The following ENO4 variants were observed in gnomAD, a reference collection of about 807,000 sequenced individuals.
ENO4 encodes the protein 2-phospho-D-glycerate hydro-lyase.
Under a neutral mutation model 63.2 loss-of-function variants are expected in ENO4, and 53 were observed. The observed-to-expected ratio is 0.84, with a 90% CI of 0.67 to 1.05. The LOEUF (loss-of-function observed/expected upper bound fraction) is 1.05, where lower values mean the gene tolerates loss of function less well. ENO4 is among the 50% of genes least tolerant of loss of function. The pLI is 0.00. For synonymous variants in ENO4, 266 were observed against 283.8 expected, an observed-to-expected ratio of 0.94 and a Z score of 0.63; for missense variants, 719 against 772.0, an observed-to-expected ratio of 0.93 and a Z score of 0.81.
At chr10:116,903,422 G>C (rs1002909516) in intron 10 of ENO4, among the ~76,000 whole-genome samples, 4 of 152,138 alleles carry the variant, frequency 2.6e-5, no homozygotes, top group Admixed American at 6.5e-5. Context: ...CTACATGGGA[G>C]GCTGAGGCAA....
chr10:116,911,820 T>G (rs1349621322), downstream of ENO4: 3 of 1,612,808 alleles, frequency 1.9e-6, no homozygotes, highest in African/African-American at 4.0e-5. Context: ...CCACTGCACT[T>G]TCGCAGCCTT....
Position 116,868,704 on chromosome 10 carries a change from CAAGT to C in ENO4, c.1047+3_1047+6del, listed in dbSNP as rs1846609829. 2 of 1,549,780 alleles carry C rather than the reference CAAGT, an allele frequency of 1.3e-6. No homozygotes were observed. The highest frequency in any genetic ancestry group is 1.7e-6 in the Non-Finnish European group (2 of 1,146,276). On this transcript the variant is annotated splice_donor_variant and coding_sequence_variant, in exon 8 of 14. Coordinates refer to ENST00000341276, the MANE Select transcript of ENO4 (RefSeq NM_001242699.2). LOFTEE classifies it high-confidence loss of function. ...AGGGCACGATGGAAGCAAAAGAGGT[CAAGT>C]AAGTCTATATATTGTTTACCATCCT...
At chr10:116,855,062 A>T (rs1328398295) in intron 1 of ENO4, among the ~76,000 whole-genome samples, 1 of 152,016 alleles carries the variant, frequency 6.6e-6, no homozygotes, top group East Asian at 1.9e-4. Flanking sequence ...TGGGAGGCCA[A>T]GGTGGGTGAA....
intron 10 of ENO4, among the ~76,000 whole-genome samples, chr10:116,905,595 ATC>A (rs1404397062): frequency 1.3e-5 from 2 of 152,062 alleles, no homozygotes; most frequent in African/African-American, 2.4e-5. Context: ...GTCTGAGTAA[ATC>A]TCTCTCTGAA....
At chr10:116,849,814 TGC>T in intron 1 of ENO4, 83 bp downstream of exon 1, 3 of 1,402,284 alleles carry the variant, frequency 2.1e-6, no homozygotes, top group Non-Finnish European at 2.9e-6. Context: ...CGCCTGCGCC[TGC>T]GCCTCAGAAT....
intron 1 of ENO4, among the ~76,000 whole-genome samples, chr10:116,854,889 C>T (rs1229335080): frequency 2.2e-5 from 3 of 134,028 alleles, no homozygotes; most frequent in Non-Finnish European, 4.6e-5. Flanking sequence ...TGCAGTGAGC[C>T]GTGATGGTGC....
Position 116,903,313 on chromosome 10 carries a change from G to A in ENO4, c.1195-8186G>A, listed in dbSNP as rs569858719. Among the ~76,000 whole-genome samples, 621 of 152,184 alleles carry A rather than the reference G, an allele frequency of 4.1e-3. 5 individuals are homozygous for A. Among genetic ancestry groups the A allele is most frequent in the South Asian group, 0.014 (66 of 4,822 alleles). On this transcript the variant is annotated intron_variant, in intron 10 of 10. Transcript: ENST00000369207. ...TTTGAGAGGCCGAGGCAGGCGGATC[G>A]CCTGAGGTCAGGAGTTAGAGACCAA...
At position 116,890,623 on chromosome 10, in the gene ENO4, C is replaced by T. The variant is rs572051176; in HGVS notation, c.1194+10637C>T. On this transcript the variant is annotated intron_variant, in intron 10 of 10. Transcript: ENST00000369207. ...AAACCAAAAAGCAAAATAAAAGCTA[C>T]GAGAAATATACCAAGTTATGCCACT... is the stretch of plus-strand genomic sequence containing the variant. 5.9e-5 allele frequency among the ~76,000 whole-genome samples: 9 copies of T among 152,332 alleles called. No homozygotes were observed. The East Asian group carries it at 1.3e-3, about 23-fold the overall frequency.
chr10:116,863,365 C>CACACACA (rs1378802712), intron 7 of ENO4, among the ~76,000 whole-genome samples: 17 of 151,488 alleles, frequency 1.1e-4, no homozygotes, highest in Non-Finnish European at 2.4e-4. Flanking sequence ...TTCACACACA[C>CACACACA]ACACACACAC....
intron 1 of ENO4, chr10:116,850,052 C>T (rs1460238778): frequency 7.8e-6 from 4 of 512,444 alleles, no homozygotes; most frequent in African/African-American, 3.9e-5. Flanking sequence ...TGGGCCGGCC[C>T]ACCGCCCATG....
downstream of ENO4, chr10:116,884,192 C>T (rs915870558): frequency 5.3e-5 from 24 of 456,602 alleles, no homozygotes; most frequent in African/African-American, 4.6e-4. Flanking sequence ...TAGCTATGAA[C>T]ATACCTTGCA....
chr10:116,878,101 A>G (rs1241598778), intron 11 of ENO4, among the ~76,000 whole-genome samples: 7 of 152,210 alleles, frequency 4.6e-5, no homozygotes, highest in Non-Finnish European at 1.0e-4. Flanking sequence ...TCCTCTTTGT[A>G]ATACGGACCA....
chr10:116,903,065 G>T (rs1589790287), intron 10 of ENO4, among the ~76,000 whole-genome samples: 1 of 152,160 alleles, frequency 6.6e-6, no homozygotes, highest in Non-Finnish European at 1.5e-5. Flanking sequence ...CTAAAAAATT[G>T]TGAACCCATT....
At chr10:116,898,883 A>G (rs1158188587) in intron 10 of ENO4, among the ~76,000 whole-genome samples, 5 of 152,206 alleles carry the variant, frequency 3.3e-5, no homozygotes, top group African/African-American at 9.6e-5. Context: ...ATAAATCAGT[A>G]TATCTTTGAC....
At chr10:116,911,091 T>C (rs1215956209) in intron 10 of ENO4, among the ~76,000 whole-genome samples, 1 of 152,194 alleles carries the variant, frequency 6.6e-6, no homozygotes, top group Non-Finnish European at 1.5e-5. Context: ...ACTGGGACCG[T>C]AACAGGATCT....
chr10:116,903,904 G>A (rs1847855143), intron 10 of ENO4, among the ~76,000 whole-genome samples: 1 of 152,146 alleles, frequency 6.6e-6, no homozygotes, highest in African/African-American at 2.4e-5. Flanking sequence ...TCCTGTTTAA[G>A]CCACCCAGTG....
chr10:116,903,660 G>C (rs551663914), intron 10 of ENO4, among the ~76,000 whole-genome samples: 2 of 152,260 alleles, frequency 1.3e-5, no homozygotes, highest in East Asian at 3.9e-4. Context: ...ATACGAAGTT[G>C]AATTCAAGAT....
Position 116,891,043 on chromosome 10 carries a change from G to A in ENO4, c.1194+11057G>A, listed in dbSNP as rs75725843. ...AATGCCCAAAAGAGCCCTAATAGACGTGGTTCTGAGCTCAATTGAATACAA... is the reference window on the plus strand; with the variant it reads ...AATGCCCAAAAGAGCCCTAATAGACATGGTTCTGAGCTCAATTGAATACAA... On this transcript the variant is annotated intron_variant, in intron 10 of 10. Coordinates refer to the ENO4 transcript ENST00000369207. Among the ~76,000 whole-genome samples the A allele has an allele frequency of 4.6e-5, 7 of 152,192 alleles. No individual in the cohort carries two copies. The East Asian group carries it at 9.6e-4, about 21-fold the overall frequency.
chr10:116,871,368 C>T, intron 9 of ENO4, 76 bp downstream of exon 9: 1 of 1,253,454 alleles, frequency 8.0e-7, no homozygotes, highest in Non-Finnish European at 1.1e-6. Context: ...AAAAAAAGAG[C>T]TTATCTGAAT....
Sources: gnomAD v4.1 joint callset for allele counts (sites outside exome capture counted in the v4.1 genomes callset) on GRCh38, gnomAD v4.1.1 for gene constraint, MANE v1.5 for transcripts, NCBI Gene and HGNC (gene_info 2026-07-23, HGNC 2026-07-21) for gene names.